The following SOCS2 variants were observed in gnomAD, a reference collection of about 807,000 sequenced individuals.
SOCS2 encodes the protein suppressor of cytokine signaling 2, also known as CIS-2.
In SOCS2, 10 loss-of-function variants were observed where a neutral mutation model predicts 18.6. That is an observed-to-expected ratio of 0.54 (90% CI 0.33 to 0.91). SOCS2 has a LOEUF of 0.91. Among genes scored for constraint, SOCS2 ranks in the 40% least tolerant of loss-of-function variants. The pLI, the probability that SOCS2 is intolerant of heterozygous loss-of-function variation, is 0.02. For synonymous variants in SOCS2, 104 were observed against 104.0 expected (o/e 1.00, Z 0.00); for missense variants, 231 against 247.2 (o/e 0.93, Z 0.44).
the SOCS2 span, among the ~76,000 whole-genome samples, chr12:93,605,015 G>A: frequency 6.6e-6 from 1 of 151,530 alleles, no homozygotes; most frequent in Non-Finnish European, 1.5e-5. Context: ...AAAATTTTTA[G>A]GAAATAAGCA....
the SOCS2 span, among the ~76,000 whole-genome samples, chr12:93,591,505 G>T: frequency 2.6e-5 from 4 of 152,306 alleles, no homozygotes; most frequent in Admixed American, 1.3e-4. Context: ...ATTTTCAAAC[G>T]GAGTTCCTGC....
chr12:93,582,150 A>G (rs1273432640), intron 1 of SOCS2, among the ~76,000 whole-genome samples: 3 of 152,188 alleles, frequency 2.0e-5, no homozygotes, highest in Non-Finnish European at 4.4e-5. Flanking sequence ...AGAGGAAGGT[A>G]TCTTGTGTCT....
chr12:93,605,341 T>C, the SOCS2 span, among the ~76,000 whole-genome samples: 2 of 152,220 alleles, frequency 1.3e-5, no homozygotes, highest in Admixed American at 1.3e-4. Flanking sequence ...TGGATACTTA[T>C]ACTTCTTAAG....
the SOCS2 span, among the ~76,000 whole-genome samples, chr12:93,613,106 A>G: frequency 2.6e-5 from 4 of 152,246 alleles, no homozygotes; most frequent in Non-Finnish European, 5.9e-5. Context: ...GCCCTGCAAG[A>G]AAGGGCAATG....
At chr12:93,609,807 C>G in the SOCS2 span, among the ~76,000 whole-genome samples, 1 of 152,092 alleles carries the variant, frequency 6.6e-6, no homozygotes, top group African/African-American at 2.4e-5. Flanking sequence ...CAACAGAATA[C>G]CACAAACTAG....
At chr12:93,603,450 G>A in the SOCS2 span, among the ~76,000 whole-genome samples, 89 of 146,294 alleles carry the variant, frequency 6.1e-4, 1 homozygote, top group African/African-American at 2.4e-3. Context: ...TACAGCCTAA[G>A]GCTACAGCCT....
chr12:93,573,948 C>T (rs41415544), intron 1 of SOCS2: 263 of 152,292 alleles, frequency 1.7e-3, no homozygotes, highest in African/African-American at 6.2e-3. Flanking sequence ...GGAGATGGTG[C>T]AGGCAGATGA....
downstream of SOCS2, among the ~76,000 whole-genome samples, chr12:93,578,217 C>T (rs1345586991): frequency 6.6e-6 from 1 of 152,130 alleles, no homozygotes; most frequent in Non-Finnish European, 1.5e-5. Flanking sequence ...GTCTTGACTT[C>T]ATAATAATTA....
the SOCS2 span, among the ~76,000 whole-genome samples, chr12:93,614,635 T>TTTCTTTCTTTCTTTGTTTCTTTC: frequency 4.5e-5 from 5 of 111,590 alleles, no homozygotes; most frequent in South Asian, 2.9e-4. Context: ...TTCTTTCTTT[T>TTTCTTTCTTTCTTTGTTTCTTTC]GATGGAGTCT....
chr12:93,606,803 C>T, the SOCS2 span, among the ~76,000 whole-genome samples: 5 of 152,110 alleles, frequency 3.3e-5, no homozygotes, highest in Non-Finnish European at 7.3e-5. Context: ...TAGGTGCCCA[C>T]CACCACACCC....
the SOCS2 span, among the ~76,000 whole-genome samples, chr12:93,607,246 G>T: frequency 6.6e-6 from 1 of 152,138 alleles, no homozygotes; most frequent in Non-Finnish European, 1.5e-5. Context: ...TTCTAGGAAT[G>T]GTTTTATTTG....
At chr12:93,592,466 G>A in the SOCS2 span, among the ~76,000 whole-genome samples, 2 of 152,168 alleles carry the variant, frequency 1.3e-5, no homozygotes, top group African/African-American at 4.8e-5. Context: ...GCTAATTGTT[G>A]CTGTGTGCTT....
At chr12:93,602,228 G>T in the SOCS2 span, among the ~76,000 whole-genome samples, 1 of 152,074 alleles carries the variant, frequency 6.6e-6, no homozygotes. Context: ...CTAGACTACA[G>T]GTGTGTGCCA....
the SOCS2 span, among the ~76,000 whole-genome samples, chr12:93,608,123 C>G: frequency 6.6e-6 from 1 of 151,350 alleles, no homozygotes; most frequent in African/African-American, 2.4e-5. Context: ...GCCTCAAACT[C>G]CTCAAACTCC....
chr12:93,624,103 G>A, the SOCS2 span, among the ~76,000 whole-genome samples: 255 of 152,240 alleles, frequency 1.7e-3, 3 homozygotes, highest in African/African-American at 3.0e-3. Flanking sequence ...GGGATTAGCC[G>A]CCTTGTAAAA....
chr12:93,579,723 GTGT>G (rs1355008990), downstream of SOCS2, among the ~76,000 whole-genome samples: 3 of 152,170 alleles, frequency 2.0e-5, no homozygotes, highest in Non-Finnish European at 4.4e-5. Context: ...AAGGTAACAA[GTGT>G]TGTTAGAGTG....
chr12:93,582,361 G>C (rs1351510434), intron 1 of SOCS2, among the ~76,000 whole-genome samples: 1 of 152,162 alleles, frequency 6.6e-6, no homozygotes, highest in Admixed American at 6.5e-5. Flanking sequence ...TTTTTAAATG[G>C]AGGGGAAAAC....
chr12:93,614,596 T>C, the SOCS2 span, among the ~76,000 whole-genome samples: 4 of 116,410 alleles, frequency 3.4e-5, no homozygotes, highest in Admixed American at 1.9e-4. Context: ...TCTTTCTTTC[T>C]TTCTTTCTTT....
chr12:93,575,144 A>C lies in SOCS2; in HGVS notation c.562A>C (p.Lys188Gln). Residue 188 changes from lysine to glutamine, a missense_variant, in exon 2 of 2, where the codon AAA (lysine) becomes CAA (glutamine). Lys to Gln is a moderately conservative substitution (Grantham distance 53). This residue lies in a region of SOCS2 where 122 missense variants were observed against 127.2 expected (regional missense o/e 0.96). Coordinates refer to ENST00000551556, the MANE Select transcript of SOCS2 (RefSeq NM_001270471.2). ...GGGACTGCCTTTACCAACAAGACTAAAAGATTACTTGGAAGAATATAAATT... is the reference window on the plus strand; with the variant it reads ...GGGACTGCCTTTACCAACAAGACTACAAGATTACTTGGAAGAATATAAATT... Reference protein sequence around the residue: ...IWGLPLPTRLKDYLEEYKFQV With the variant: ...IWGLPLPTRLQDYLEEYKFQV 1 of 1,567,678 alleles carries C rather than the reference A, an allele frequency of 6.4e-7. No homozygotes were observed. The highest frequency in any genetic ancestry group is 8.6e-7 in the Non-Finnish European group (1 of 1,163,480).
Sources: allele counts gnomAD v4.1 joint callset (sites outside exome capture counted in the v4.1 genomes callset), GRCh38; gene constraint gnomAD v4.1.1; regional missense constraint gnomAD v4.1.1; transcripts MANE v1.5; gene names NCBI Gene and HGNC (gene_info 2026-07-23, HGNC 2026-07-21).